The following SGCZ variants were observed in gnomAD, a reference collection of about 807,000 sequenced individuals.
SGCZ encodes sarcoglycan zeta.
SGCZ carries 40 observed loss-of-function variants against 41.3 expected under a neutral mutation model. The observed-to-expected ratio is 0.97, with a 90% CI of 0.75 to 1.26. The LOEUF (loss-of-function observed/expected upper bound fraction) is 1.26, where lower values mean the gene tolerates loss of function less well. SGCZ is among the 50% of genes most tolerant of loss of function. The pLI is 0.00. For missense variants in SGCZ, 552 were observed against 369.8 expected, an observed-to-expected ratio of 1.49 and a Z score of -4.04; for synonymous variants, 206 against 137.5, an observed-to-expected ratio of 1.50 and a Z score of -3.49.
rs879575537 is a variant in SGCZ at position 14,498,906 on chromosome 8, A to AT, written c.234+55825dup. 1.2e-3 allele frequency among the ~76,000 whole-genome samples: 169 copies of AT among 146,022 alleles called. 1 individual carries two copies. The highest frequency in any genetic ancestry group is 3.2e-3 in the African/African-American group (130 of 40,240). On this transcript the variant is annotated intron_variant, in intron 2 of 7. Coordinates refer to ENST00000382080, the MANE Select transcript of SGCZ (RefSeq NM_139167.4). ...TTCAGGACATTTCGATGTCTTAGTC[A>AT]TTTTTTTTTTTCATGAAGAATTCTT...
chr8:14,226,295 A>C (rs1369288599), intron 4 of SGCZ, among the ~76,000 whole-genome samples: 1 of 152,056 alleles, frequency 6.6e-6, no homozygotes, highest in Non-Finnish European at 1.5e-5. Flanking sequence ...TGTGAATCCT[A>C]ACACATGCAG....
At chr8:14,187,121 G>C (rs555850775) in intron 4 of SGCZ, among the ~76,000 whole-genome samples, 2 of 152,240 alleles carry the variant, frequency 1.3e-5, no homozygotes, top group South Asian at 4.1e-4. Flanking sequence ...TACCCTCTGA[G>C]GAACTGTGGG....
chr8:14,941,257 C>G (rs1047406534), intron 1 of SGCZ, among the ~76,000 whole-genome samples: 1 of 152,006 alleles, frequency 6.6e-6, no homozygotes, highest in African/African-American at 2.4e-5. Flanking sequence ...GGGGAACTAT[C>G]CTACAGATAT....
chr8:14,841,485 T>C (rs17463325), intron 1 of SGCZ, among the ~76,000 whole-genome samples: 14,970 of 152,236 alleles, frequency 0.098, 978 homozygotes, highest in Non-Finnish European at 0.15. Flanking sequence ...AATTGCATGA[T>C]TGGTTAGTAA....
At chr8:14,391,629 T>G (rs922616985) in intron 2 of SGCZ, among the ~76,000 whole-genome samples, 1 of 152,098 alleles carries the variant, frequency 6.6e-6, no homozygotes. Flanking sequence ...GGGTATGAAT[T>G]AATGCATTAA....
At chr8:14,273,695 G>A (rs866226758) in intron 3 of SGCZ, among the ~76,000 whole-genome samples, 3 of 152,154 alleles carry the variant, frequency 2.0e-5, no homozygotes, top group South Asian at 2.1e-4. Flanking sequence ...GATGTGTTGG[G>A]TAAACTCTTT....
chr8:14,405,178 G>T (rs1483698381), intron 2 of SGCZ, among the ~76,000 whole-genome samples: 2 of 152,162 alleles, frequency 1.3e-5, no homozygotes, highest in Non-Finnish European at 2.9e-5. Context: ...TTACTCCTCT[G>T]TAATGAGTTC....
intron 1 of SGCZ, among the ~76,000 whole-genome samples, chr8:14,895,656 TA>T (rs1356118719): frequency 6.6e-6 from 1 of 152,192 alleles, no homozygotes; most frequent in Non-Finnish European, 1.5e-5. Context: ...TGCTTAATAA[TA>T]TTAATAATTT....
chr8:14,470,585 T>A (rs1801187106), intron 2 of SGCZ, among the ~76,000 whole-genome samples: 1 of 152,130 alleles, frequency 6.6e-6, no homozygotes, highest in South Asian at 2.1e-4. Flanking sequence ...AAATCATGTT[T>A]AGGAAATGAT....
intron 2 of SGCZ, among the ~76,000 whole-genome samples, chr8:14,545,384 T>G (rs1397247507): frequency 1.3e-5 from 2 of 150,378 alleles, no homozygotes; most frequent in South Asian, 2.1e-4. Flanking sequence ...AGACAATATT[T>G]CAATTATACT....
At chr8:14,450,952 T>C (rs1188203658) in intron 2 of SGCZ, among the ~76,000 whole-genome samples, 1 of 152,190 alleles carries the variant, frequency 6.6e-6, no homozygotes, top group Non-Finnish European at 1.5e-5. Flanking sequence ...GATTTATGAA[T>C]ATTCATAACA....
chr8:14,635,204 C>A (rs1352117842), intron 1 of SGCZ, among the ~76,000 whole-genome samples: 1 of 151,822 alleles, frequency 6.6e-6, no homozygotes, highest in Non-Finnish European at 1.5e-5. Context: ...TAAACCAACT[C>A]AAGTCATTCT....
chr8:14,343,902 C>A (rs374810907), intron 2 of SGCZ, among the ~76,000 whole-genome samples: 1 of 150,130 alleles, frequency 6.7e-6, no homozygotes, highest in African/African-American at 2.5e-5. Flanking sequence ...AGAAGCAGTG[C>A]AAATTAAAAA....
At chr8:14,127,592 A>G (rs1306620170) in intron 5 of SGCZ, among the ~76,000 whole-genome samples, 1 of 151,996 alleles carries the variant, frequency 6.6e-6, no homozygotes, top group Non-Finnish European at 1.5e-5. Flanking sequence ...AGTAGCTGGG[A>G]CTACAGGCAC....
intron 1 of SGCZ, among the ~76,000 whole-genome samples, chr8:14,593,825 G>C (rs1452938227): frequency 2.0e-5 from 3 of 152,122 alleles, no homozygotes; most frequent in Non-Finnish European, 2.9e-5. Context: ...TATTTGAGAA[G>C]TCAGCAGTTT....
chr8:14,711,176 T>A (rs1016276501), intron 1 of SGCZ, among the ~76,000 whole-genome samples: 5 of 152,220 alleles, frequency 3.3e-5, no homozygotes, highest in African/African-American at 1.2e-4. Flanking sequence ...ACTTAATGGA[T>A]AAATGTTAAA....
intron 1 of SGCZ, among the ~76,000 whole-genome samples, chr8:15,177,414 C>T (rs888508135): frequency 5.3e-5 from 8 of 152,056 alleles, no homozygotes; most frequent in African/African-American, 1.9e-4. Flanking sequence ...TATGGCATGG[C>T]CAAGTATTCA....
intron 4 of SGCZ, among the ~76,000 whole-genome samples, chr8:14,205,647 T>C (rs1376473863): frequency 6.6e-6 from 1 of 152,116 alleles, no homozygotes; most frequent in African/African-American, 2.4e-5. Context: ...AAACCTTTGT[T>C]TGGGGTTTTG....
intron 2 of SGCZ, among the ~76,000 whole-genome samples, chr8:14,391,756 T>C (rs922553612): frequency 6.6e-6 from 1 of 152,162 alleles, no homozygotes; most frequent in Non-Finnish European, 1.5e-5. Context: ...GGGTAATTTA[T>C]AAAGAAAAGC....
Sources: allele counts gnomAD v4.1 joint callset (sites outside exome capture counted in the v4.1 genomes callset), GRCh38; gene constraint gnomAD v4.1.1; transcripts MANE v1.5; gene names NCBI Gene and HGNC (gene_info 2026-07-23, HGNC 2026-07-21).